The following PRRG1 variants were observed in gnomAD, a reference collection of about 807,000 sequenced individuals.
PRRG1 encodes the protein proline rich and Gla domain 1, also known as transmembrane gamma-carboxyglutamic acid protein 1.
Under a neutral mutation model 11.8 loss-of-function variants are expected in PRRG1, and 5 were observed. The observed-to-expected ratio is 0.42, with a 90% CI of 0.22 to 0.89. The LOEUF (loss-of-function observed/expected upper bound fraction) is 0.89. Ranked by LOEUF, PRRG1 falls within the 40% of genes least tolerant of loss-of-function variation. The pLI is 0.28. For missense variants in PRRG1, 155 were observed against 166.1 expected (o/e 0.93, Z 0.37); for synonymous variants, 66 against 60.4 (o/e 1.09, Z -0.43).
intron 1 of PRRG1, among the ~76,000 whole-genome samples, chrX:37,358,881 A>AT (rs1930328977): frequency 9.0e-6 from 1 of 111,285 alleles, no homozygotes; most frequent in African/African-American, 3.3e-5. Context: ...TTTAGTCTTG[A>AT]TTTTTTTCAC....
chrX:37,418,194 A>G (rs1469333978), intron 2 of PRRG1, among the ~76,000 whole-genome samples: 1 of 112,259 alleles, frequency 8.9e-6, no homozygotes, highest in African/African-American at 3.2e-5. Context: ...CCTTTTTACC[A>G]TACCACACTT....
intron 1 of PRRG1, among the ~76,000 whole-genome samples, chrX:37,401,322 G>T (rs1482805549): frequency 1.8e-5 from 2 of 110,821 alleles, no homozygotes; most frequent in African/African-American, 3.3e-5. Flanking sequence ...ATGCAAGGCT[G>T]GTTCAATATA....
chrX:37,389,858 G>A (rs1556376168), intron 1 of PRRG1, among the ~76,000 whole-genome samples: 1 of 111,773 alleles, frequency 8.9e-6, no homozygotes, highest in Non-Finnish European at 1.9e-5. Context: ...CAAAGGAAGT[G>A]AGTAGGTCTT....
chrX:37,386,393 T>C (rs1556375252), intron 1 of PRRG1, among the ~76,000 whole-genome samples: 1 of 112,021 alleles, frequency 8.9e-6, no homozygotes. Context: ...ATTTTTTTTA[T>C]GTATGTGTAC....
intron 1 of PRRG1, among the ~76,000 whole-genome samples, chrX:37,369,331 T>C (rs954717656): frequency 1.8e-5 from 2 of 112,294 alleles, no homozygotes; most frequent in African/African-American, 6.5e-5. Context: ...TTTTCATGCT[T>C]TAAAGATGTT....
At chrX:37,450,819 G>A (rs111438183) in intron 3 of PRRG1, among the ~76,000 whole-genome samples, 1,474 of 111,737 alleles carry the variant, frequency 0.013, 22 homozygotes, top group African/African-American at 0.045. Flanking sequence ...TACTTGGTGC[G>A]GTTTGATTCC....
At position 37,453,592 on chromosome X, in the gene PRRG1, A is replaced by C. The variant is rs782194095; in HGVS notation, c.628A>C (p.Met210Leu). Residue 210 changes from methionine to leucine, a missense_variant, in exon 4 of 4, where the codon ATG (methionine) becomes CTG (leucine). Physicochemically the swap from Met to Leu is conservative, Grantham distance 15. Transcript: ENST00000378628. ...CTCCAACTCAGCCAGTGCCATTCCT[A>C]TGGTGCCTGTGGTCACCACCATCAA... ...VNSNSASAIP[M>L]VPVVTTIK is the part of the protein sequence containing the mutation. 6.7e-6 allele frequency: 8 copies of C among 1,192,467 alleles called. No homozygotes were observed. The highest frequency in any genetic ancestry group is 9.0e-6 in the Non-Finnish European group (8 of 885,428).
rs149255298 is a variant in PRRG1, at chrX:37,424,418, C to T, written c.11-1422C>T. Among the ~76,000 whole-genome samples the T allele has an allele frequency of 9.6e-3, 1,065 of 111,039 alleles. 13 individuals are homozygous for T. The highest frequency in any genetic ancestry group is 0.033 in the African/African-American group (1,005 of 30,546). Reference sequence around the variant, plus strand: ...CCCAGCAGTCTGTGTGATAATCAGTCCTTCAGGGATTCTGATGCGGCTAAA... The same window carrying T: ...CCCAGCAGTCTGTGTGATAATCAGTTCTTCAGGGATTCTGATGCGGCTAAA... On this transcript the variant is annotated intron_variant, in intron 2 of 3. Coordinates refer to ENST00000378628, the MANE Select transcript of PRRG1 (RefSeq NM_001142395.2).
rs188854705 is a variant in PRRG1, at chrX:37,374,301, T to G, written c.-42+24906T>G. On this transcript the variant is annotated intron_variant, in intron 1 of 3. Coordinates refer to ENST00000378628, the MANE Select transcript of PRRG1 (RefSeq NM_001142395.2). ...GCATTAACTGAATTGTTGTTTTGACTGTGATATGTCATTTTTCTCTTGCTG... is the reference window on the plus strand; with the variant it reads ...GCATTAACTGAATTGTTGTTTTGACGGTGATATGTCATTTTTCTCTTGCTG... Among the ~76,000 whole-genome samples, 502 of 112,110 alleles carry G rather than the reference T, an allele frequency of 4.5e-3. 5 individuals carry two copies. The highest frequency in any genetic ancestry group is 0.016 in the African/African-American group (489 of 30,945).
At chrX:37,368,509 G>T (rs1930653604) in intron 1 of PRRG1, among the ~76,000 whole-genome samples, 2 of 111,345 alleles carry the variant, frequency 1.8e-5, no homozygotes, top group African/African-American at 6.5e-5. Context: ...TCTTTGCGAG[G>T]TGTATCTTTT....
At chrX:37,355,439 A>AT (rs1930207331) in intron 1 of PRRG1, among the ~76,000 whole-genome samples, 1 of 111,929 alleles carries the variant, frequency 8.9e-6, no homozygotes, top group Non-Finnish European at 1.9e-5. Context: ...TTATTGGTAA[A>AT]TTGCTGGTGA....
At chrX:37,433,592 C>A (rs1180328046) in intron 3 of PRRG1, among the ~76,000 whole-genome samples, 1 of 110,304 alleles carries the variant, frequency 9.1e-6, no homozygotes, top group East Asian at 2.8e-4. Flanking sequence ...TTGTTACCTC[C>A]CCCGCCCCAT....
Position 37,453,391 on chromosome X carries a change from G to A in PRRG1, c.427G>A (p.Gly143Arg). Residue 143 changes from glycine (G) to arginine (R), a missense_variant, in exon 4 of 4, where the codon GGA (glycine) becomes AGA (arginine). By Grantham distance (125) the Gly-to-Arg change is moderately radical. Transcript: ENST00000378628. Reference protein sequence around the residue: ...PPPDEVFDSSGLSPGFLGYVV... With the variant: ...PPPDEVFDSSRLSPGFLGYVV... ...ACCAGATGAAGTGTTTGACAGCAGTGGATTGTCTCCAGGCTTTCTGGGATA... is the reference window on the plus strand; with the variant it reads ...ACCAGATGAAGTGTTTGACAGCAGTAGATTGTCTCCAGGCTTTCTGGGATA... The A allele has an allele frequency of 8.3e-7, 1 of 1,208,646 alleles. No homozygotes were observed. Among genetic ancestry groups the A allele is most frequent in the Non-Finnish European group, 1.1e-6 (1 of 894,162 alleles).
At chrX:37,425,500 A>C (rs1556388161) in intron 2 of PRRG1, among the ~76,000 whole-genome samples, 1 of 112,414 alleles carries the variant, frequency 8.9e-6, no homozygotes, top group Admixed American at 9.4e-5. Context: ...GCTGTCTGTC[A>C]GCAGAATGCC....
At chrX:37,427,212 G>T (rs1932784110) in intron 3 of PRRG1, among the ~76,000 whole-genome samples, 1 of 111,989 alleles carries the variant, frequency 8.9e-6, no homozygotes, top group African/African-American at 3.2e-5. Context: ...GAAATCGTAA[G>T]AACTTGTTTG....
At position 37,453,331 on chromosome X, in the gene PRRG1, C is replaced by T; in HGVS notation, c.367C>T (p.Pro123Ser). The T allele has an allele frequency of 8.3e-7, 1 of 1,209,430 alleles. No individual in the cohort carries two copies. The highest frequency in any genetic ancestry group is 1.1e-6 in the Non-Finnish European group (1 of 893,854). The change falls in exon 4 of 4, where the codon CCT (proline) becomes TCT (serine). Residue 123 changes from proline (P) to serine (S), a missense_variant. Transcript: ENST00000378628. Reference protein sequence around the residue: ...QTVTEGHIPFPQHLNIITPPP... With the variant: ...QTVTEGHIPFSQHLNIITPPP... ...AGTGACTGAAGGCCACATTCCTTTC[C>T]CTCAGCACCTTAATATTATCACCCC...
At chrX:37,398,750 G>A (rs1931820966) in intron 1 of PRRG1, among the ~76,000 whole-genome samples, 2 of 111,603 alleles carry the variant, frequency 1.8e-5, no homozygotes, top group Admixed American at 1.9e-4. Flanking sequence ...TTAGACGAAT[G>A]TATAACTAGA....
intron 3 of PRRG1, among the ~76,000 whole-genome samples, chrX:37,427,536 G>T (rs1401373980): frequency 1.8e-5 from 2 of 111,939 alleles, no homozygotes; most frequent in Non-Finnish European, 3.8e-5. Flanking sequence ...TTAGCTGTAG[G>T]TACCATGCTG....
chrX:37,397,977 AACACACACACACACAC>A (rs782125904), intron 1 of PRRG1, among the ~76,000 whole-genome samples: 8 of 84,004 alleles, frequency 9.5e-5, no homozygotes, highest in African/African-American at 3.9e-4. Flanking sequence ...TATAAAAACT[AACACACACACACACAC>A]ACACACACAC....
Sources: gnomAD v4.1 joint callset for allele counts (sites outside exome capture counted in the v4.1 genomes callset) on GRCh38, gnomAD v4.1.1 for gene constraint, MANE v1.5 for transcripts, NCBI Gene and HGNC (gene_info 2026-07-23, HGNC 2026-07-21) for gene names.